Variants in ALPL observed in about 807,000 individuals in gnomAD.
The protein encoded by ALPL is alkaline phosphatase, biomineralization associated, also known as alkaline phosphatase, tissue-nonspecific isozyme.
In ALPL, 42 loss-of-function variants were observed where a neutral mutation model predicts 51.3. That is an observed-to-expected ratio of 0.82 (90% CI 0.64 to 1.06). The LOEUF (loss-of-function observed/expected upper bound fraction) is 1.06, where lower values mean the gene tolerates loss of function less well. Ranked by LOEUF, ALPL falls within the 50% of genes least tolerant of loss-of-function variation. The pLI is 0.00. For missense variants in ALPL, 589 were observed against 709.4 expected, an observed-to-expected ratio of 0.83 and a Z score of 1.93; for synonymous variants, 279 against 296.4, an observed-to-expected ratio of 0.94 and a Z score of 0.60.
At chr1:21,543,637 C>T (rs1644218313) in intron 1 of ALPL, among the ~76,000 whole-genome samples, 1 of 152,192 alleles carries the variant, frequency 6.6e-6, no homozygotes, top group Non-Finnish European at 1.5e-5. Context: ...TTCCTTCATG[C>T]ACCGCCTAGT....
chr1:21,533,936 AAG>A (rs1491099570), intron 1 of ALPL, among the ~76,000 whole-genome samples: 253 of 10,296 alleles, frequency 0.025, 1 homozygote, highest in African/African-American at 0.05. Flanking sequence ...AAAAAAAAAA[AAG>A]AAGAAGAAGA....
chr1:21,524,219 G>T (rs1427897820), intron 1 of ALPL, among the ~76,000 whole-genome samples: 1 of 152,042 alleles, frequency 6.6e-6, no homozygotes, highest in African/African-American at 2.4e-5. Context: ...GCTCAGGCTG[G>T]TCTCAAACTC....
intron 1 of ALPL, among the ~76,000 whole-genome samples, chr1:21,524,783 C>T (rs974195751): frequency 6.6e-6 from 1 of 152,176 alleles, no homozygotes; most frequent in African/African-American, 2.4e-5. Flanking sequence ...TGGGAGGCTC[C>T]GAGGCTCCAG....
chr1:21,544,034 G>A (rs1050829367), intron 1 of ALPL, among the ~76,000 whole-genome samples: 7 of 152,186 alleles, frequency 4.6e-5, no homozygotes, highest in Non-Finnish European at 8.8e-5. Context: ...CCTGTGCAGG[G>A]CCTGGCCCAG....
Position 21,577,502 on chromosome 1 carries a change from C to T in ALPL, c.1429C>T (p.Gln477Ter), listed in dbSNP as rs1644755604. The T allele has an allele frequency of 1.2e-6, 2 of 1,608,724 alleles. No individual in the cohort carries two copies. The highest frequency in any genetic ancestry group is 1.7e-5 in the Admixed American group (1 of 60,000). The change falls in exon 12 of 12, where the codon CAG becomes TAG. Residue 477 changes from glutamine (Q) to a stop codon, truncating the protein, a stop_gained. Coordinates refer to ENST00000374840, the MANE Select transcript of ALPL (RefSeq NM_000478.6). LOFTEE classifies it low-confidence loss of function (END_TRUNC). ...GCACCTGCTGCACGGCGTCCACGAG[C>T]AGAACTACGTCCCCCACGTGATGGC... ...MAHLLHGVHE[Q>*]NYVPHVMAYA... is the part of the protein sequence containing the mutation.
chr1:21,577,060 G>T (rs1369071840), intron 11 of ALPL, among the ~76,000 whole-genome samples: 1 of 151,970 alleles, frequency 6.6e-6, no homozygotes, highest in African/African-American at 2.4e-5. Context: ...TCATTCATTC[G>T]TTCTTGATAC....
chr1:21,530,954 A>ATT (rs34079543), intron 1 of ALPL, among the ~76,000 whole-genome samples: 5 of 103,972 alleles, frequency 4.8e-5, no homozygotes, highest in South Asian at 3.1e-4. Context: ...ATCATTTTTG[A>ATT]TTTTTTTTTT....
intron 1 of ALPL, among the ~76,000 whole-genome samples, chr1:21,550,889 G>A (rs1233033448): frequency 6.6e-6 from 1 of 152,120 alleles, no homozygotes; most frequent in Non-Finnish European, 1.5e-5. Context: ...TGTCTGTGGT[G>A]GTTTCTGTGT....
intron 1 of ALPL, among the ~76,000 whole-genome samples, chr1:21,510,792 A>C (rs545382081): frequency 6.6e-6 from 1 of 152,000 alleles, no homozygotes; most frequent in South Asian, 2.1e-4. Flanking sequence ...AGTCCTCCCC[A>C]CCTGTGGGTG....
chr1:21,511,068 A>G (rs1188571865), intron 1 of ALPL, among the ~76,000 whole-genome samples: 1 of 152,208 alleles, frequency 6.6e-6, no homozygotes, highest in African/African-American at 2.4e-5. Flanking sequence ...TGCTATCTTC[A>G]TTCAGCAAAT....
At chr1:21,546,712 T>G (rs1025714990) in intron 1 of ALPL, among the ~76,000 whole-genome samples, 1 of 152,224 alleles carries the variant, frequency 6.6e-6, no homozygotes, top group African/African-American at 2.4e-5. Flanking sequence ...GTACGGGCCG[T>G]GGAGACCCCC....
intron 1 of ALPL, among the ~76,000 whole-genome samples, chr1:21,553,094 C>A (rs1297384546): frequency 6.6e-6 from 1 of 150,966 alleles, no homozygotes; most frequent in Non-Finnish European, 1.5e-5. Flanking sequence ...AATAATCATT[C>A]ATAGTCCTAC....
chr1:21,577,565 G>A lies in ALPL; in HGVS notation c.1492G>A (p.Ala498Thr), dbSNP rs754125867. 1.6e-5 allele frequency: 26 copies of A among 1,603,726 alleles called. No individual in the cohort carries two copies. Among genetic ancestry groups the A allele is most frequent in the African/African-American group, 1.3e-5 (1 of 74,922 alleles). The change falls in exon 12 of 12, where the codon GCT becomes ACT. Residue 498 changes from alanine to threonine, a missense_variant. Ala to Thr is a moderately conservative substitution (Grantham distance 58). Transcript: ENST00000374840. ...ACIGANLGHCAPASSAGSLAA... is the reference protein window; with the variant it reads ...ACIGANLGHCTPASSAGSLAA... ...CATCGGGGCCAACCTCGGCCACTGTGCTCCTGCCAGCTCGGCAGGCAGCCT... is the reference window on the plus strand; with the variant it reads ...CATCGGGGCCAACCTCGGCCACTGTACTCCTGCCAGCTCGGCAGGCAGCCT...
At chr1:21,561,305 C>G (rs1345750152) in intron 4 of ALPL, 93 bp downstream of exon 4, 1 of 1,126,366 alleles carries the variant, frequency 8.9e-7, no homozygotes, top group Admixed American at 2.0e-5. Flanking sequence ...CCCCTGACCC[C>G]CTGAGCCCCC....
chr1:21,539,316 G>T (rs538070229), intron 1 of ALPL, among the ~76,000 whole-genome samples: 19 of 152,180 alleles, frequency 1.2e-4, no homozygotes, highest in Non-Finnish European at 2.2e-4. Flanking sequence ...GATCAAGTGA[G>T]TTAATATAGG....
intron 1 of ALPL, among the ~76,000 whole-genome samples, chr1:21,543,866 G>A (rs957698184): frequency 2.6e-5 from 4 of 152,324 alleles, no homozygotes; most frequent in East Asian, 1.9e-4. Context: ...ATGCTCCCTG[G>A]AGGCACATCA....
intron 1 of ALPL, among the ~76,000 whole-genome samples, chr1:21,549,448 C>T (rs572015505): frequency 1.2e-4 from 19 of 152,118 alleles, no homozygotes; most frequent in Non-Finnish European, 2.4e-4. Flanking sequence ...CCCCAAACGC[C>T]GAAAGGCTGA....
chr1:21,551,950 C>T (rs1021794693), intron 1 of ALPL, among the ~76,000 whole-genome samples: 1 of 150,720 alleles, frequency 6.6e-6, no homozygotes, highest in Non-Finnish European at 1.5e-5. Flanking sequence ...TGGTCTCGAT[C>T]TCCTGACTTC....
chr1:21,521,279 G>A (rs915197385), intron 1 of ALPL, among the ~76,000 whole-genome samples: 8 of 152,122 alleles, frequency 5.3e-5, no homozygotes, highest in African/African-American at 1.7e-4. Flanking sequence ...GCGCCTCCCG[G>A]GTTCAAGCGA....
Sources: gnomAD v4.1 joint callset for allele counts (sites outside exome capture counted in the v4.1 genomes callset) on GRCh38, gnomAD v4.1.1 for gene constraint, MANE v1.5 for transcripts, NCBI Gene and HGNC (gene_info 2026-07-23, HGNC 2026-07-21) for gene names.